Variants in MAEA observed in about 807,000 individuals in gnomAD.
The protein encoded by MAEA is E3 ubiquitin-protein transferase MAEA.
A neutral mutation model predicts 46.2 loss-of-function variants in MAEA; 22 were observed. The observed-to-expected ratio is 0.48, with a 90% confidence interval of 0.34 to 0.68. The LOEUF (loss-of-function observed/expected upper bound fraction) is 0.68. Among genes scored for constraint, MAEA ranks in the 30% least tolerant of loss-of-function variants. The probability of loss-of-function intolerance (pLI) is 0.01; values close to 1 mark genes in which losing one functional copy is unlikely to be tolerated. For synonymous variants in MAEA, 246 were observed against 222.6 expected (o/e 1.11, Z -0.94); for missense variants, 393 against 558.1 (o/e 0.70, Z 2.98).
intron 3 of MAEA, among the ~76,000 whole-genome samples, chr4:1,320,614 C>T (rs1000482993): frequency 4.7e-5 from 7 of 148,394 alleles, no homozygotes; most frequent in Non-Finnish European, 8.9e-5. Context: ...TGCAAGAAAA[C>T]GCTATGGAGG....
At chr4:1,329,243 C>T in intron 5 of MAEA, 1 of 985,660 alleles carries the variant, frequency 1.0e-6, no homozygotes, top group Non-Finnish European at 1.2e-6. Flanking sequence ...GTTACCCTGG[C>T]TCCGTGTAGG....
chr4:1,315,123 A>T (rs1736966320), intron 2 of MAEA, among the ~76,000 whole-genome samples: 1 of 152,244 alleles, frequency 6.6e-6, no homozygotes, highest in Non-Finnish European at 1.5e-5. Context: ...AATTGTATGC[A>T]TCTGGCAACA....
intron 6 of MAEA, chr4:1,335,240 GA>G: frequency 1.0e-6 from 1 of 985,490 alleles, no homozygotes; most frequent in Non-Finnish European, 1.2e-6. Context: ...TCTGAAGTAA[GA>G]GTTTTTACAC....
chr4:1,316,938 C>T (rs147416821), intron 3 of MAEA, among the ~76,000 whole-genome samples: 3,025 of 143,894 alleles, frequency 0.021, 55 homozygotes, highest in Non-Finnish European at 0.034. Flanking sequence ...GCCCACCCGG[C>T]CCCACACTCC....
At chr4:1,320,633 A>G (rs1737955017) in intron 3 of MAEA, among the ~76,000 whole-genome samples, 1 of 148,946 alleles carries the variant, frequency 6.7e-6, no homozygotes, top group African/African-American at 2.6e-5. Flanking sequence ...GGGGCATCAG[A>G]AAAGAAATAA....
At chr4:1,332,628 TGA>T in intron 5 of MAEA, 127 bp from the exon 6 acceptor site, 4 of 639,608 alleles carry the variant, frequency 6.3e-6, no homozygotes, top group Non-Finnish European at 1.1e-5. Flanking sequence ...CGCCTGAGCC[TGA>T]GAGTTCGAGG....
chr4:1,334,394 TCTC>T (rs927715365), intron 6 of MAEA, among the ~76,000 whole-genome samples: 2 of 151,848 alleles, frequency 1.3e-5, no homozygotes, highest in African/African-American at 4.8e-5. Context: ...CAGCCTGAAT[TCTC>T]CTGGTTCTCA....
chr4:1,291,075 G>A (rs1221936384), intron 1 of MAEA, among the ~76,000 whole-genome samples: 3 of 152,178 alleles, frequency 2.0e-5, no homozygotes, highest in African/African-American at 7.2e-5. Context: ...TACAGTTAGC[G>A]CTGCTGAAGT....
rs1165554692 is a variant in MAEA, at chr4:1,295,603, G to C, written c.69+5621G>C. On this transcript the variant is annotated intron_variant, in intron 1 of 8. Transcript: ENST00000303400. ...CGCAGACCCTGCCTGACCTGCACCT[G>C]CTCCCACACCCGTGGTGGATGAGCC... 4.2e-5 allele frequency among the ~76,000 whole-genome samples: 6 copies of C among 144,052 alleles called. No homozygotes were observed. The Admixed American group carries it at 4.2e-4, about 10-fold the overall frequency. The allele number at this position is 144,052 out of a possible 152,430, so 94.5% of individuals were successfully genotyped here. A position where few individuals can be genotyped will look rare whatever the true frequency, so the allele number is the denominator to read the frequency against.
chr4:1,329,724 A>C (rs1437130716), intron 5 of MAEA: 10 of 985,398 alleles, frequency 1.0e-5, no homozygotes, highest in Middle Eastern at 5.2e-4. Flanking sequence ...GGGCATCGGC[A>C]GGACGTTTGT....
chr4:1,294,553 C>T (rs1734434224), intron 1 of MAEA, among the ~76,000 whole-genome samples: 1 of 150,978 alleles, frequency 6.6e-6, no homozygotes, highest in Non-Finnish European at 1.5e-5. Context: ...GGCTGCAGAG[C>T]AGGGCTGCAG....
intron 1 of MAEA, among the ~76,000 whole-genome samples, chr4:1,307,670 G>A (rs1380425614): frequency 2.0e-5 from 3 of 152,186 alleles, no homozygotes; most frequent in Non-Finnish European, 2.9e-5. Context: ...AAGCTGGTGC[G>A]TGGCTCAGTC....
At chr4:1,310,285 G>T (rs1263841214) in intron 1 of MAEA, among the ~76,000 whole-genome samples, 1 of 152,230 alleles carries the variant, frequency 6.6e-6, no homozygotes, top group African/African-American at 2.4e-5. Flanking sequence ...CACTGGTCAG[G>T]TATTTATGGA....
intron 5 of MAEA, chr4:1,332,491 G>A (rs1410945965): frequency 2.9e-6 from 1 of 344,208 alleles, no homozygotes; most frequent in Non-Finnish European, 5.5e-6. Context: ...GGGGCAGGAA[G>A]ATGGCTTGAG....
At chr4:1,313,088 G>T (rs528243650) in intron 2 of MAEA, among the ~76,000 whole-genome samples, 3 of 152,338 alleles carry the variant, frequency 2.0e-5, no homozygotes, top group African/African-American at 4.8e-5. Flanking sequence ...GGGTGTACCA[G>T]AAGTGGACTG....
chr4:1,318,819 C>T (rs2108941202), intron 3 of MAEA, among the ~76,000 whole-genome samples: 1 of 152,276 alleles, frequency 6.6e-6, no homozygotes. Context: ...AATTCCTGTG[C>T]ACCAAAATTG....
intron 5 of MAEA, chr4:1,331,090 G>A (rs78817042): frequency 0.022 from 3,290 of 151,938 alleles, 139 homozygotes; most frequent in East Asian, 0.19. Context: ...GGCGTGTGAC[G>A]AAGGGTGACT....
intron 2 of MAEA, among the ~76,000 whole-genome samples, chr4:1,314,886 A>G (rs1443951515): frequency 6.6e-6 from 1 of 152,188 alleles, no homozygotes; most frequent in African/African-American, 2.4e-5. Flanking sequence ...GTGCTGTCAA[A>G]TTTTTAGCGA....
chr4:1,337,170 G>C (rs537291261), intron 7 of MAEA, 176 bp downstream of exon 7: 12 of 703,444 alleles, frequency 1.7e-5, no homozygotes, highest in Non-Finnish European at 2.6e-5. Context: ...GTGTTGAGGG[G>C]CCTCGGATGC....
Sources: gnomAD v4.1 joint callset for allele counts (sites outside exome capture counted in the v4.1 genomes callset) on GRCh38, gnomAD v4.1.1 for gene constraint, MANE v1.5 for transcripts, NCBI Gene and HGNC (gene_info 2026-07-23, HGNC 2026-07-21) for gene names.